Variants in DDC observed in about 807,000 individuals in gnomAD.
DDC encodes the protein aromatic-L-amino-acid decarboxylase.
A neutral mutation model predicts 60.0 loss-of-function variants in DDC; 43 were observed. The ratio of observed to expected loss-of-function variants is 0.72; its 90% confidence interval spans 0.56 to 0.92. DDC has a LOEUF of 0.92. Ranked by LOEUF, DDC falls within the 40% of genes least tolerant of loss-of-function variation. DDC has a pLI of 0.00. For missense variants in DDC, 573 were observed against 620.2 expected (o/e 0.92, Z 0.81); for synonymous variants, 232 against 234.6 (o/e 0.99, Z 0.10).
chr7:50,504,649 G>GT (rs985881243), intron 6 of DDC, among the ~76,000 whole-genome samples: 107 of 152,014 alleles, frequency 7.0e-4, no homozygotes, highest in African/African-American at 2.5e-3. Flanking sequence ...TAAGAACATA[G>GT]TTACTACTAT....
rs201202782 is a variant in DDC at position 50,461,076 on chromosome 7, T to TA, written c.*18+2136_*18+2137insT. 8.7e-3 allele frequency among the ~76,000 whole-genome samples: 1,326 copies of TA among 151,634 alleles called. 21 individuals carry two copies. The highest frequency in any genetic ancestry group is 0.03 in the African/African-American group (1,245 of 41,376). On this transcript the variant is annotated intron_variant, in intron 14 of 14. Coordinates refer to ENST00000444124, the MANE Select transcript of DDC (RefSeq NM_001082971.2). ...AAAAAAATAAATAAATAAATAAAAA[T>TA]TAAAAAAATAAAGAATAAGAATTGC... is the stretch of plus-strand genomic sequence containing the variant.
chr7:50,539,787 A>G, intron 3 of DDC, 128 bp downstream of exon 3: 1 of 717,564 alleles, frequency 1.4e-6, no homozygotes. Context: ...TCCTCCCTGC[A>G]ACAGTAGCCC....
intron 8 of DDC, among the ~76,000 whole-genome samples, chr7:50,498,474 A>C (rs563210212): frequency 6.6e-6 from 1 of 152,340 alleles, no homozygotes; most frequent in South Asian, 2.1e-4. Context: ...TTCCTACCCT[A>C]TGAGCCACCA....
In DDC at chr7:50,539,845, G is replaced by A. The variant is rs576719895; in HGVS notation, c.315+70C>T. ...CATCTGCTCAGGTCCCTTGTGCATA[G>A]GTACCGTGTCCCCACCCCGGGATCC... On this transcript the variant is annotated intron_variant, in intron 3 of 14. Transcript: ENST00000444124. 7.2e-5 allele frequency: 84 copies of A among 1,167,762 alleles called. 1 individual carries two copies. The East Asian group carries it at 1.5e-3, about 21-fold the overall frequency. 72.3% of individuals were successfully genotyped at this position (1,167,762 alleles called of 1,614,324 possible).
chr7:50,558,205 T>G lies in DDC; in HGVS notation c.-29+7080A>C, dbSNP rs534554946. ...TGCTATTGGCTTGAGACAATTCGAA[T>G]TATGTTCTAGTTGGTTGCTTCTTTT... On this transcript the variant is annotated intron_variant, in intron 1 of 14. Transcript: ENST00000444124. 1.6e-4 allele frequency among the ~76,000 whole-genome samples: 25 copies of G among 152,268 alleles called. No individual in the cohort carries two copies. In the South Asian group the frequency reaches 4.6e-3, roughly 28 times the overall value.
intron 11 of DDC, among the ~76,000 whole-genome samples, chr7:50,470,460 G>A (rs545584296): frequency 6.6e-6 from 1 of 152,254 alleles, no homozygotes; most frequent in Non-Finnish European, 1.5e-5. Flanking sequence ...AGCAGGGCCA[G>A]ACCTTGGGCT....
intron 8 of DDC, among the ~76,000 whole-genome samples, chr7:50,495,633 A>C (rs921993948): frequency 4.6e-5 from 7 of 152,094 alleles, no homozygotes; most frequent in African/African-American, 1.7e-4. Context: ...TGGTAAGTAC[A>C]TGGGGGTGGG....
At chr7:50,491,569 T>C (rs1265984487) in intron 9 of DDC, among the ~76,000 whole-genome samples, 1 of 152,124 alleles carries the variant, frequency 6.6e-6, no homozygotes, top group African/African-American at 2.4e-5. Flanking sequence ...GGTGCCTCAA[T>C]TTACTATGCC....
chr7:50,491,396 G>C (rs1562998337), intron 9 of DDC, among the ~76,000 whole-genome samples: 1 of 151,996 alleles, frequency 6.6e-6, no homozygotes, highest in Non-Finnish European at 1.5e-5. Flanking sequence ...TGCTAAAAAT[G>C]AGCTTTCCTA....
intron 6 of DDC, among the ~76,000 whole-genome samples, chr7:50,519,996 T>C (rs1291484790): frequency 2.0e-5 from 3 of 152,100 alleles, no homozygotes; most frequent in Non-Finnish European, 2.9e-5. Context: ...ATCCTGAAGA[T>C]GGGCGAGAAT....
chr7:50,494,637 A>G (rs2043085165), intron 9 of DDC, among the ~76,000 whole-genome samples: 3 of 150,406 alleles, frequency 2.0e-5, no homozygotes, highest in Non-Finnish European at 4.4e-5. Flanking sequence ...GGAAATTCTT[A>G]GGAAACATGG....
intron 9 of DDC, among the ~76,000 whole-genome samples, chr7:50,480,534 G>A (rs1444463304): frequency 6.6e-6 from 1 of 152,214 alleles, no homozygotes; most frequent in African/African-American, 2.4e-5. Context: ...GGGTAACCTG[G>A]AGACCCAACA....
intron 10 of DDC, among the ~76,000 whole-genome samples, chr7:50,479,439 A>C (rs1184829830): frequency 6.6e-6 from 1 of 152,210 alleles, no homozygotes; most frequent in East Asian, 1.9e-4. Context: ...CTTTTTGTAG[A>C]CATTATGGCT....
At chr7:50,510,839 G>T (rs973132254) in intron 6 of DDC, among the ~76,000 whole-genome samples, 2 of 151,342 alleles carry the variant, frequency 1.3e-5, no homozygotes, top group Non-Finnish European at 2.9e-5. Flanking sequence ...AAATTAGCTG[G>T]GCGCGGTGGT....
At chr7:50,476,344 C>G (rs1008537799) in intron 11 of DDC, among the ~76,000 whole-genome samples, 3 of 152,220 alleles carry the variant, frequency 2.0e-5, no homozygotes, top group Non-Finnish European at 4.4e-5. Context: ...AGGGCCTTTT[C>G]CTTCCAGAGG....
rs557684574 is a variant in DDC, at chr7:50,519,108, GATATAC to G, written c.714+9023_714+9028del. On this transcript the variant is annotated intron_variant, in intron 6 of 14. Coordinates refer to ENST00000444124, the MANE Select transcript of DDC (RefSeq NM_001082971.2). ...CATGAATAGACAATTCTCAAAAGAA[GATATAC>G]AAATGGCCAACAAACATATAAAAAA... 6.3e-3 allele frequency among the ~76,000 whole-genome samples: 909 copies of G among 143,540 alleles called. 3 individuals carry two copies. The highest frequency in any genetic ancestry group is 0.019 in the South Asian group (84 of 4,314). 94.2% of individuals were successfully genotyped at this position (143,540 alleles called of 152,430 possible). A position where few individuals can be genotyped will look rare whatever the true frequency, so the allele number is the denominator to read the frequency against.
intron 9 of DDC, among the ~76,000 whole-genome samples, chr7:50,482,543 G>C (rs1354697531): frequency 6.6e-6 from 1 of 152,156 alleles, no homozygotes; most frequent in Non-Finnish European, 1.5e-5. Context: ...CACACACGTT[G>C]ATATTTAAGG....
chr7:50,494,188 A>G (rs978383630), intron 9 of DDC, among the ~76,000 whole-genome samples: 2 of 152,196 alleles, frequency 1.3e-5, no homozygotes, highest in African/African-American at 2.4e-5. Flanking sequence ...TATTCTAAAT[A>G]TCACCAAGGT....
chr7:50,522,721 T>C (rs1004484138), intron 6 of DDC, among the ~76,000 whole-genome samples: 13 of 152,202 alleles, frequency 8.5e-5, no homozygotes, highest in Admixed American at 6.5e-4. Flanking sequence ...CACATTGCTA[T>C]AAAGAACTTC....
Sources: allele counts gnomAD v4.1 joint callset (sites outside exome capture counted in the v4.1 genomes callset), GRCh38; gene constraint gnomAD v4.1.1; transcripts MANE v1.5; gene names NCBI Gene and HGNC (gene_info 2026-07-23, HGNC 2026-07-21).